Variants in CTNNA3 observed in about 807,000 individuals in gnomAD.
CTNNA3 encodes the protein catenin alpha-3.
A neutral mutation model predicts 95.7 loss-of-function variants in CTNNA3; 76 were observed. The observed-to-expected ratio is 0.79, with a 90% confidence interval of 0.66 to 0.96. The LOEUF is 0.96. CTNNA3 is among the 40% of genes least tolerant of loss of function. CTNNA3 has a pLI of 0.00. For synonymous variants in CTNNA3, 431 were observed against 374.4 expected (o/e 1.15, Z -1.74); for missense variants, 1,191 against 1,089.8 (o/e 1.09, Z -1.31).
intron 11 of CTNNA3, among the ~76,000 whole-genome samples, chr10:66,469,404 G>T (rs140181557): frequency 6.6e-6 from 1 of 151,966 alleles, no homozygotes; most frequent in African/African-American, 2.4e-5. Flanking sequence ...GAGTCTTGTG[G>T]AAGTAAATGA....
rs572909081 is a variant in CTNNA3 at position 67,651,760 on chromosome 10, AG to A, written c.-5-4243del. Among the ~76,000 whole-genome samples the A allele has an allele frequency of 4.8e-4, 73 of 152,276 alleles. No homozygotes were observed. The Middle Eastern group carries it at 0.014, about 28-fold the overall frequency. ...CCCTTTCTACACCTTCCTGTTTAAG[AG>A]CTCAAAAAATATATATTTATAGTTT... is the stretch of plus-strand genomic sequence containing the variant. On this transcript the variant is annotated intron_variant, in intron 1 of 17. Coordinates refer to ENST00000433211, the MANE Select transcript of CTNNA3 (RefSeq NM_013266.4).
intron 10 of CTNNA3, among the ~76,000 whole-genome samples, chr10:66,618,945 C>A (rs1274301463): frequency 2.0e-5 from 3 of 152,052 alleles, no homozygotes; most frequent in African/African-American, 7.2e-5. Context: ...ATGCAGCCAA[C>A]AGACACATGA....
At chr10:65,945,977 A>G (rs761129524) in intron 17 of CTNNA3, among the ~76,000 whole-genome samples, 1 of 152,108 alleles carries the variant, frequency 6.6e-6, no homozygotes, top group Non-Finnish European at 1.5e-5. Flanking sequence ...TCAATTTTAC[A>G]TTTTCACTAA....
intron 10 of CTNNA3, among the ~76,000 whole-genome samples, chr10:66,557,795 C>T (rs1277580315): frequency 1.3e-5 from 2 of 152,100 alleles, no homozygotes; most frequent in Non-Finnish European, 2.9e-5. Context: ...TTTCATAAGA[C>T]ACTAAGCCTT....
intron 7 of CTNNA3, among the ~76,000 whole-genome samples, chr10:67,035,983 C>T (rs1854026528): frequency 6.6e-6 from 1 of 152,106 alleles, no homozygotes; most frequent in African/African-American, 2.4e-5. Context: ...AAAAACAATG[C>T]TTTAATAAAA....
At chr10:67,254,849 C>T (rs1866270239) in intron 5 of CTNNA3, among the ~76,000 whole-genome samples, 1 of 152,118 alleles carries the variant, frequency 6.6e-6, no homozygotes, top group Admixed American at 6.5e-5. Context: ...TATAAGTACA[C>T]TCTATGCTGT....
chr10:67,006,681 G>A (rs906204039), intron 7 of CTNNA3, among the ~76,000 whole-genome samples: 3 of 152,052 alleles, frequency 2.0e-5, no homozygotes, highest in African/African-American at 7.2e-5. Flanking sequence ...GATGCCATCA[G>A]CACACTATAA....
intron 15 of CTNNA3, among the ~76,000 whole-genome samples, chr10:66,020,668 ATT>A (rs10687414): frequency 8.8e-5 from 12 of 136,676 alleles, no homozygotes; most frequent in African/African-American, 2.7e-4. Flanking sequence ...GATGATCTGA[ATT>A]TTTTTTTTTT....
chr10:66,981,060 C>A (rs1374896937), intron 7 of CTNNA3, among the ~76,000 whole-genome samples: 1 of 152,124 alleles, frequency 6.6e-6, no homozygotes, highest in Non-Finnish European at 1.5e-5. Flanking sequence ...CATGCTCCAC[C>A]ATGCCTGGCT....
chr10:66,492,250 G>A (rs566351422), intron 11 of CTNNA3, among the ~76,000 whole-genome samples: 12 of 151,926 alleles, frequency 7.9e-5, no homozygotes, highest in Admixed American at 3.3e-4. Context: ...ATTATAGGAG[G>A]CCCAATTTCT....
chr10:67,688,990 A>C (rs960636103), intron 1 of CTNNA3, among the ~76,000 whole-genome samples: 7 of 152,022 alleles, frequency 4.6e-5, no homozygotes, highest in African/African-American at 1.7e-4. Flanking sequence ...ATTCTCAAAA[A>C]CCTGCATTCT....
chr10:67,566,708 A>G (rs1366987509), intron 3 of CTNNA3, among the ~76,000 whole-genome samples: 1 of 152,124 alleles, frequency 6.6e-6, no homozygotes, highest in African/African-American at 2.4e-5. Context: ...GCTGCTATAA[A>G]GACACATGCA....
chr10:66,349,105 GT>G (rs1460132113), intron 12 of CTNNA3, among the ~76,000 whole-genome samples: 24 of 152,158 alleles, frequency 1.6e-4, no homozygotes, highest in African/African-American at 5.5e-4. Context: ...TATATTTCTT[GT>G]CCTGATGGAG....
intron 1 of CTNNA3, among the ~76,000 whole-genome samples, chr10:67,680,493 G>A (rs1017505761): frequency 1.3e-5 from 2 of 152,098 alleles, no homozygotes; most frequent in Non-Finnish European, 2.9e-5. Context: ...GCTGCGATGG[G>A]GCTTCCAGTG....
intron 3 of CTNNA3, among the ~76,000 whole-genome samples, chr10:67,575,178 G>A (rs765691193): frequency 4.6e-5 from 7 of 152,038 alleles, no homozygotes; most frequent in Non-Finnish European, 7.4e-5. Context: ...TGGGTTATGC[G>A]TTTCCTATAT....
chr10:67,717,093 C>T (rs539328405), intron 1 of CTNNA3, among the ~76,000 whole-genome samples: 1 of 152,178 alleles, frequency 6.6e-6, no homozygotes, highest in East Asian at 1.9e-4. Context: ...CTTTTTTTCA[C>T]ATGTTTGTTG....
At chr10:66,543,907 G>GTATA (rs1554815314) in intron 10 of CTNNA3, among the ~76,000 whole-genome samples, 30 of 28,932 alleles carry the variant, frequency 1.0e-3, no homozygotes, top group African/African-American at 3.7e-3. Context: ...AGATGTGTGT[G>GTATA]TGTGTATATA....
intron 13 of CTNNA3, among the ~76,000 whole-genome samples, chr10:66,220,563 A>G (rs2088871226): frequency 6.6e-6 from 1 of 152,190 alleles, no homozygotes; most frequent in South Asian, 2.1e-4. Flanking sequence ...TTAACAGCTC[A>G]TTGTGACAGC....
At chr10:67,514,518 TA>T (rs1001536331) in intron 5 of CTNNA3, among the ~76,000 whole-genome samples, 3 of 152,202 alleles carry the variant, frequency 2.0e-5, no homozygotes, top group African/African-American at 4.8e-5. Flanking sequence ...TTAACTTGTC[TA>T]TTTTTTTTTA....
Sources: allele counts gnomAD v4.1 joint callset (sites outside exome capture counted in the v4.1 genomes callset), GRCh38; gene constraint gnomAD v4.1.1; transcripts MANE v1.5; gene names NCBI Gene and HGNC (gene_info 2026-07-23, HGNC 2026-07-21).